The following ARHGAP26 variants were observed in gnomAD, a reference collection of about 807,000 sequenced individuals.
ARHGAP26 encodes rho GTPase-activating protein 26.
A neutral mutation model predicts 104.8 loss-of-function variants in ARHGAP26; 38 were observed. The observed-to-expected ratio is 0.36, with a 90% CI of 0.28 to 0.48. The LOEUF is 0.48. Among genes scored for constraint, ARHGAP26 ranks in the 20% least tolerant of loss-of-function variants. The pLI is 0.99. For missense variants in ARHGAP26, 704 were observed against 947.9 expected, an observed-to-expected ratio of 0.74 and a Z score of 3.38; for synonymous variants, 341 against 340.0, an observed-to-expected ratio of 1.00 and a Z score of -0.03.
intron 12 of ARHGAP26, among the ~76,000 whole-genome samples, chr5:143,032,134 T>C (rs1296860008): frequency 6.6e-6 from 1 of 152,184 alleles, no homozygotes; most frequent in Non-Finnish European, 1.5e-5. Context: ...CAACAAGGCT[T>C]CAAAAGTTGA....
At chr5:142,774,414 CT>C (rs560578736) in intron 1 of ARHGAP26, among the ~76,000 whole-genome samples, 1,613 of 142,266 alleles carry the variant, frequency 0.011, 12 homozygotes, top group Admixed American at 0.018. Flanking sequence ...CATTAATGGA[CT>C]TTTTTTTTTT....
At chr5:143,183,861 G>T (rs1804760063) in intron 20 of ARHGAP26, among the ~76,000 whole-genome samples, 1 of 152,200 alleles carries the variant, frequency 6.6e-6, no homozygotes, top group African/African-American at 2.4e-5. Flanking sequence ...GGAGAATATA[G>T]TAGAAGGGAC....
chr5:142,856,663 T>G lies in ARHGAP26; in HGVS notation c.155-16737T>G, dbSNP rs116594265. 7.9e-3 allele frequency among the ~76,000 whole-genome samples: 1,201 copies of G among 152,038 alleles called. 22 individuals are homozygous for G. The highest frequency in any genetic ancestry group is 0.027 in the African/African-American group (1,125 of 41,358). On this transcript the variant is annotated intron_variant, in intron 1 of 22. Transcript: ENST00000645722. The stretch of plus-strand genomic sequence containing the variant: ...GCATCAGTACTGAACATGTACAGAC[T>G]TTTTTTTCTTTTTTCTACTCTCAAG...
At chr5:142,783,618 G>C (rs1337285337) in intron 1 of ARHGAP26, among the ~76,000 whole-genome samples, 1 of 152,168 alleles carries the variant, frequency 6.6e-6, no homozygotes, top group Non-Finnish European at 1.5e-5. Context: ...AACCCAGAGA[G>C]AGCTGATCTC....
chr5:142,974,782 C>A (rs554401423), intron 11 of ARHGAP26, among the ~76,000 whole-genome samples: 1 of 152,146 alleles, frequency 6.6e-6, no homozygotes, highest in South Asian at 2.1e-4. Context: ...AGATTTTTTC[C>A]TCCTCAACTA....
chr5:142,949,694 G>A (rs553441503), intron 11 of ARHGAP26, among the ~76,000 whole-genome samples: 26 of 152,138 alleles, frequency 1.7e-4, no homozygotes, highest in Non-Finnish European at 2.6e-4. Context: ...AAGTATGAGG[G>A]GCAGAGTGGG....
At chr5:143,165,474 T>G (rs1358472755) in intron 20 of ARHGAP26, 1 of 152,250 alleles carries the variant, frequency 6.6e-6, no homozygotes, top group Non-Finnish European at 1.5e-5. Context: ...TCTTCAGTCT[T>G]CCACAGTATT....
rs138326683 is a variant in ARHGAP26, at chr5:143,009,236, A to G, written c.1108-4844A>G. 3.8e-3 allele frequency among the ~76,000 whole-genome samples: 578 copies of G among 152,172 alleles called. 5 individuals carry two copies. Among genetic ancestry groups the G allele is most frequent in the Non-Finnish European group, 6.6e-3 (446 of 68,002 alleles). Reference sequence around the variant, plus strand: ...TTCATTTTCTTTCTGACTCAGGGCAAGTTCTTCCTTCCGGTGATTCACCTG... The same window carrying G: ...TTCATTTTCTTTCTGACTCAGGGCAGGTTCTTCCTTCCGGTGATTCACCTG... On this transcript the variant is annotated intron_variant, in intron 11 of 22. Coordinates refer to ENST00000645722, the MANE Select transcript of ARHGAP26 (RefSeq NM_001135608.3).
In ARHGAP26 at chr5:143,084,873, C is replaced by T. The variant is rs145613835; in HGVS notation, c.1538+27126C>T. On this transcript the variant is annotated intron_variant, in intron 17 of 22. Coordinates refer to ENST00000645722, the MANE Select transcript of ARHGAP26 (RefSeq NM_001135608.3). ...CATCCTGGCCAACGTGGTGAAACTC[C>T]GTCTCTACTAAAAATACAAAAATTA... 5.5e-3 allele frequency among the ~76,000 whole-genome samples: 837 copies of T among 152,012 alleles called. 25 individuals are homozygous for T. The East Asian group carries it at 0.076, about 14-fold the overall frequency.
chr5:142,856,230 C>T (rs1167784069), intron 1 of ARHGAP26, among the ~76,000 whole-genome samples: 1 of 152,178 alleles, frequency 6.6e-6, no homozygotes, highest in Non-Finnish European at 1.5e-5. Flanking sequence ...TGGGGGCCAG[C>T]CTGGGCCATG....
Position 143,090,858 on chromosome 5 carries a change from A to C in ARHGAP26, c.1539-30130A>C, listed in dbSNP as rs545663648. ...TGGTTGATACTGGGGTCTTTATCGAAATCTCCCCAGATTAAATGGTCCCAA... is the reference window on the plus strand; with the variant it reads ...TGGTTGATACTGGGGTCTTTATCGACATCTCCCCAGATTAAATGGTCCCAA... On this transcript the variant is annotated intron_variant, in intron 17 of 22. Transcript: ENST00000645722. Among the ~76,000 whole-genome samples, 3 of 152,308 alleles carry C rather than the reference A, an allele frequency of 2.0e-5. No individual in the cohort carries two copies. The South Asian group carries it at 6.2e-4, about 32-fold the overall frequency.
At chr5:142,844,711 C>A (rs569908324) in intron 1 of ARHGAP26, among the ~76,000 whole-genome samples, 6 of 151,814 alleles carry the variant, frequency 4.0e-5, no homozygotes, top group African/African-American at 1.5e-4. Flanking sequence ...AAAAATTAGC[C>A]GGGCCTGGTG....
chr5:143,015,548 T>C (rs1432886292), intron 12 of ARHGAP26, among the ~76,000 whole-genome samples: 1 of 152,184 alleles, frequency 6.6e-6, no homozygotes, highest in Non-Finnish European at 1.5e-5. Flanking sequence ...TACATTTTGA[T>C]TGAGAGTTTC....
intron 9 of ARHGAP26, 78 bp downstream of exon 9, chr5:142,907,882 C>CTGGAGGTGTTA: frequency 2.3e-6 from 2 of 888,876 alleles, no homozygotes; most frequent in South Asian, 2.3e-5. Flanking sequence ...TAAAGTAACA[C>CTGGAGGTGTTA]CTCCAGTGTT....
chr5:142,843,380 T>C (rs1215909444), intron 1 of ARHGAP26, among the ~76,000 whole-genome samples: 1 of 152,236 alleles, frequency 6.6e-6, no homozygotes, highest in African/African-American at 2.4e-5. Context: ...AAGCAACTAA[T>C]GTAGGGTTCA....
chr5:142,809,432 TC>T (rs1763645098), intron 1 of ARHGAP26, among the ~76,000 whole-genome samples: 1 of 152,164 alleles, frequency 6.6e-6, no homozygotes, highest in Non-Finnish European at 1.5e-5. Flanking sequence ...ACTCTGTTCT[TC>T]CTGTTTTGGA....
intron 11 of ARHGAP26, among the ~76,000 whole-genome samples, chr5:142,992,162 T>C (rs887870112): frequency 2.6e-5 from 4 of 152,144 alleles, no homozygotes; most frequent in Non-Finnish European, 5.9e-5. Flanking sequence ...TATTCACCTT[T>C]GAGTGTTAAT....
chr5:143,208,660 C>A (rs1407029371), intron 21 of ARHGAP26, among the ~76,000 whole-genome samples: 1 of 152,120 alleles, frequency 6.6e-6, no homozygotes, highest in African/African-American at 2.4e-5. Context: ...CAGGACTTCT[C>A]CCCCTCAGCT....
chr5:142,776,709 G>T (rs1411289889), intron 1 of ARHGAP26, among the ~76,000 whole-genome samples: 1 of 152,020 alleles, frequency 6.6e-6, no homozygotes, highest in Non-Finnish European at 1.5e-5. Context: ...GTTTGCATAC[G>T]TGTCTTCATG....
Sources: gnomAD v4.1 joint callset for allele counts (sites outside exome capture counted in the v4.1 genomes callset) on GRCh38, gnomAD v4.1.1 for gene constraint, MANE v1.5 for transcripts, NCBI Gene and HGNC (gene_info 2026-07-23, HGNC 2026-07-21) for gene names.